Variants in LOXHD1 observed in about 807,000 individuals in gnomAD.
LOXHD1 encodes the protein lipoxygenase homology PLAT domains 1, also known as lipoxygenase homology domain-containing protein 1.
A neutral mutation model predicts 248.2 loss-of-function variants in LOXHD1; 205 were observed. That is an observed-to-expected ratio of 0.83 (90% CI 0.74 to 0.93). The LOEUF (loss-of-function observed/expected upper bound fraction) is 0.93. Among genes scored for constraint, LOXHD1 ranks in the 40% least tolerant of loss-of-function variants. The pLI is 0.00. For missense variants in LOXHD1, 2,930 were observed against 2,971.6 expected (o/e 0.99, Z 0.33); for synonymous variants, 1,113 against 1,162.8 (o/e 0.96, Z 0.87).
chr18:46,501,679 C>T (rs1026758114), intron 37 of LOXHD1, among the ~76,000 whole-genome samples: 1 of 152,208 alleles, frequency 6.6e-6, no homozygotes, highest in African/African-American at 2.4e-5. Flanking sequence ...AGGAACCTAA[C>T]CCTGTGCTTC....
At position 46,591,534 on chromosome 18, in the gene LOXHD1, G is replaced by A. The variant is rs528827346; in HGVS notation, c.1654+399C>T. Among the ~76,000 whole-genome samples, 60 of 152,306 alleles carry A rather than the reference G, an allele frequency of 3.9e-4. 1 individual carries two copies. Among genetic ancestry groups the A allele is most frequent in the African/African-American group, 1.4e-3 (59 of 41,552 alleles). ...TAATTAGAGATAGAATACTTATTAG[G>A]TAGCAGCCAACTGGGGCTACAGGAT... On this transcript the variant is annotated intron_variant, in intron 12 of 40. Transcript: ENST00000642948.
In LOXHD1 at chr18:46,497,918, T is replaced by C. The variant is rs78145228; in HGVS notation, c.5878+7920A>G. Among the ~76,000 whole-genome samples the C allele has an allele frequency of 3.2e-3, 482 of 152,182 alleles. 2 individuals carry two copies. Among genetic ancestry groups the C allele is most frequent in the African/African-American group, 0.011 (460 of 41,518 alleles). ...GATATAATCATGGCAGGATGCACAG[T>C]GGGAGTTAGGTCACAAGGCAGAGGT... is the stretch of plus-strand genomic sequence containing the variant. On this transcript the variant is annotated intron_variant, in intron 37 of 40. Coordinates refer to ENST00000642948, the MANE Select transcript of LOXHD1 (RefSeq NM_001384474.1).
At chr18:46,534,996 C>T (rs1269446014) in intron 26 of LOXHD1, among the ~76,000 whole-genome samples, 8 of 152,182 alleles carry the variant, frequency 5.3e-5, no homozygotes, top group Non-Finnish European at 1.0e-4. Context: ...CTTTACCTAA[C>T]CCATACCTGC....
At chr18:46,593,838 A>T (rs1336674857) in intron 9 of LOXHD1, 78 bp from the exon 10 acceptor site, 12 of 1,473,366 alleles carry the variant, frequency 8.1e-6, no homozygotes, top group Non-Finnish European at 1.1e-5. Context: ...AGAAGGAAAA[A>T]TCCAAAATGA....
chr18:46,481,550 GA>G (rs1738490234), intron 40 of LOXHD1, among the ~76,000 whole-genome samples: 1 of 152,200 alleles, frequency 6.6e-6, no homozygotes, highest in Non-Finnish European at 1.5e-5. Context: ...GAAGCACAAG[GA>G]GTTGATGGGT....
intron 7 of LOXHD1, 128 bp downstream of exon 7, chr18:46,603,978 G>T: frequency 1.6e-6 from 2 of 1,265,626 alleles, no homozygotes; most frequent in East Asian, 2.5e-5. Flanking sequence ...TCAGGAGCAG[G>T]AGGAATGCTG....
intron 8 of LOXHD1, among the ~76,000 whole-genome samples, chr18:46,599,837 T>C (rs549607858): frequency 6.6e-6 from 1 of 152,218 alleles, no homozygotes; most frequent in Non-Finnish European, 1.5e-5. Context: ...GTAGTAATCA[T>C]AAAAATAAGA....
chr18:46,512,212 G>A (rs779124087), intron 34 of LOXHD1, among the ~76,000 whole-genome samples: 9 of 151,906 alleles, frequency 5.9e-5, no homozygotes, highest in South Asian at 2.1e-4. Flanking sequence ...TAACAACATC[G>A]CCATTTTAAA....
chr18:46,559,568 A>T lies in LOXHD1; in HGVS notation c.3096T>A (p.Asn1032Lys). ...TAGCATCAGTGCCGGCCTTGGGCAC[A>T]TTCCCCGTGACCACCTGAACCTCAT... ...NTYEVQVVTG[N>K]VPKAGTDANV... Residue 1032 changes from asparagine to lysine, a missense_variant, in exon 20 of 41, where the codon AAT becomes AAA. By Grantham distance (94) the Asn-to-Lys change is moderately conservative. Transcript: ENST00000642948. The T allele has an allele frequency of 6.4e-7, 1 of 1,551,848 alleles. No individual in the cohort carries two copies. Among genetic ancestry groups the T allele is most frequent in the African/African-American group, 1.4e-5 (1 of 73,164 alleles).
intron 40 of LOXHD1, among the ~76,000 whole-genome samples, chr18:46,480,954 C>T (rs2032512602): frequency 6.6e-6 from 1 of 152,162 alleles, no homozygotes; most frequent in Non-Finnish European, 1.5e-5. Context: ...TATGACCTTT[C>T]ACCCAAATCC....
chr18:46,656,777 C>T (rs540192778), intron 1 of LOXHD1, 127 bp downstream of exon 1: 7 of 1,105,106 alleles, frequency 6.3e-6, no homozygotes, highest in South Asian at 6.2e-5. Flanking sequence ...ATGGAACAGA[C>T]ACATGGGATA....
chr18:46,559,630 A>AGG, intron 19 of LOXHD1, 28 bp from the exon 20 acceptor site: 1 of 1,549,540 alleles, frequency 6.5e-7, no homozygotes, highest in Non-Finnish European at 8.7e-7. Flanking sequence ...TGCAGTGTGG[A>AGG]GGGCCTCATG....
At chr18:46,586,613 T>A (rs1356014814) in intron 12 of LOXHD1, among the ~76,000 whole-genome samples, 1 of 53,774 alleles carries the variant, frequency 1.9e-5, no homozygotes, top group Non-Finnish European at 5.8e-5. Context: ...GCCTGGCTAA[T>A]TTTTTTGTAT....
chr18:46,491,866 G>T (rs1489884147), intron 37 of LOXHD1, among the ~76,000 whole-genome samples: 1 of 152,188 alleles, frequency 6.6e-6, no homozygotes, highest in Non-Finnish European at 1.5e-5. Flanking sequence ...GGCCTGGGTT[G>T]CCCTGGTGCT....
At chr18:46,614,189 C>T (rs935950821) in intron 5 of LOXHD1, among the ~76,000 whole-genome samples, 1 of 152,146 alleles carries the variant, frequency 6.6e-6, no homozygotes, top group Non-Finnish European at 1.5e-5. Context: ...GAACTAGAAA[C>T]ACCATTTGAC....
chr18:46,549,448 G>A (rs2036991838), intron 21 of LOXHD1, among the ~76,000 whole-genome samples: 1 of 152,220 alleles, frequency 6.6e-6, no homozygotes, highest in Non-Finnish European at 1.5e-5. Flanking sequence ...CATCAAGTAT[G>A]AGTAAATCCT....
chr18:46,525,265 G>T (rs1023025170), intron 29 of LOXHD1, among the ~76,000 whole-genome samples: 8 of 152,164 alleles, frequency 5.3e-5, no homozygotes, highest in Non-Finnish European at 1.2e-4. Context: ...GTGGTCAGCT[G>T]GTCCTGTTCC....
chr18:46,509,907 G>A, intron 34 of LOXHD1, 92 bp from the exon 35 acceptor site: 1 of 895,288 alleles, frequency 1.1e-6, no homozygotes, highest in South Asian at 1.4e-5. Context: ...TGGGGTGAGG[G>A]AGAAGATTAG....
At chr18:46,645,002 T>C (rs1283728029) in intron 2 of LOXHD1, among the ~76,000 whole-genome samples, 1 of 152,128 alleles carries the variant, frequency 6.6e-6, no homozygotes, top group Non-Finnish European at 1.5e-5. Flanking sequence ...TGGACACCAA[T>C]CTCTTTTTGG....
Sources: allele counts gnomAD v4.1 joint callset (sites outside exome capture counted in the v4.1 genomes callset), GRCh38; gene constraint gnomAD v4.1.1; transcripts MANE v1.5; gene names NCBI Gene and HGNC (gene_info 2026-07-23, HGNC 2026-07-21).